The following ENOX1 variants were observed in gnomAD, a reference collection of about 807,000 sequenced individuals.
The protein encoded by ENOX1 is candidate growth-related and time keeping constitutive hydroquinone (NADH) oxidase.
In ENOX1, 42 loss-of-function variants were observed where a neutral mutation model predicts 82.5. The observed-to-expected ratio is 0.51, with a 90% CI of 0.40 to 0.66. The LOEUF is 0.66. Ranked by LOEUF, ENOX1 falls within the 30% of genes least tolerant of loss-of-function variation. The pLI is 0.00. For synonymous variants in ENOX1, 271 were observed against 282.2 expected (o/e 0.96, Z 0.40); for missense variants, 608 against 811.6 (o/e 0.75, Z 3.05).
intron 6 of ENOX1, among the ~76,000 whole-genome samples, chr13:43,360,711 C>CAA (rs36107926): frequency 0.45 from 63,003 of 140,674 alleles, 14,835 homozygotes; most frequent in Middle Eastern, 0.55. Context: ...ATATGAATGA[C>CAA]AAAAAAAAAA....
chr13:43,376,921 C>T (rs972971703), intron 5 of ENOX1, among the ~76,000 whole-genome samples: 1 of 152,176 alleles, frequency 6.6e-6, no homozygotes. Context: ...GCTTGGCTGG[C>T]CTGCCTTGCA....
At chr13:43,508,722 A>G (rs1015271392) in intron 2 of ENOX1, among the ~76,000 whole-genome samples, 5 of 151,984 alleles carry the variant, frequency 3.3e-5, no homozygotes, top group African/African-American at 1.2e-4. Flanking sequence ...AAATCAAGAA[A>G]TTGTGATCAC....
intron 5 of ENOX1, among the ~76,000 whole-genome samples, chr13:43,404,964 C>T (rs1316976576): frequency 6.6e-6 from 1 of 152,154 alleles, no homozygotes; most frequent in South Asian, 2.1e-4. Context: ...TTAGAGACCC[C>T]CACTGGTACC....
At chr13:43,779,952 C>G (rs958256358) in intron 1 of ENOX1, among the ~76,000 whole-genome samples, 1 of 152,080 alleles carries the variant, frequency 6.6e-6, no homozygotes, top group South Asian at 2.1e-4. Context: ...GTCAGGAGAT[C>G]GAGACCATCC....
At chr13:43,533,511 T>A (rs2078321276) in intron 2 of ENOX1, among the ~76,000 whole-genome samples, 1 of 152,158 alleles carries the variant, frequency 6.6e-6, no homozygotes, top group Non-Finnish European at 1.5e-5. Flanking sequence ...GTCACCCAAC[T>A]ACCTTCCTGT....
At chr13:43,490,579 C>T (rs1212348957) in intron 2 of ENOX1, among the ~76,000 whole-genome samples, 3 of 152,116 alleles carry the variant, frequency 2.0e-5, no homozygotes, top group Non-Finnish European at 4.4e-5. Context: ...GCCATAAGGA[C>T]TCCTCCCAGG....
rs114848818 is a variant in ENOX1, at chr13:43,647,867, C to T, written c.-219+19612G>A. Reference sequence around the variant, plus strand: ...ACATCAGTCCTTAAAAACGAAGAACCTTTTTCAGCTGTAGAGAACCAGACA... The same window carrying T: ...ACATCAGTCCTTAAAAACGAAGAACTTTTTTCAGCTGTAGAGAACCAGACA... On this transcript the variant is annotated intron_variant, in intron 2 of 16. Coordinates refer to ENST00000690772, the MANE Select transcript of ENOX1 (RefSeq NM_001347969.2). Among the ~76,000 whole-genome samples, 406 of 152,190 alleles carry T rather than the reference C, an allele frequency of 2.7e-3. 3 individuals carry two copies. Among genetic ancestry groups the T allele is most frequent in the African/African-American group, 9.1e-3 (377 of 41,528 alleles).
Position 43,399,682 on chromosome 13 carries a change from AC to A in ENOX1, c.208+12233del, listed in dbSNP as rs2053378786. On this transcript the variant is annotated intron_variant, in intron 5 of 16. Transcript: ENST00000690772. ...CAGACAAACTCAGAGAAGTTAACTA[AC>A]TTGCCCAAGTTTACGCAGCTAAGGG... is the stretch of plus-strand genomic sequence containing the variant. 2.0e-5 allele frequency among the ~76,000 whole-genome samples: 3 copies of A among 152,222 alleles called. No homozygotes were observed. The South Asian group carries it at 6.2e-4, about 32-fold the overall frequency.
intron 1 of ENOX1, among the ~76,000 whole-genome samples, chr13:43,724,960 A>G (rs537694988): frequency 6.6e-6 from 1 of 152,260 alleles, no homozygotes; most frequent in Admixed American, 6.5e-5. Flanking sequence ...TAACTCTCTT[A>G]TTTTCATCAT....
chr13:43,338,773 T>C lies in ENOX1; in HGVS notation c.1036+5765A>G, dbSNP rs557187762. ...CCATCTCGGCTCACTGCAAGCTCTG[T>C]CTCCCAGGTTCACGCCATTCTCCTG... On this transcript the variant is annotated intron_variant, in intron 9 of 16. Transcript: ENST00000690772. Among the ~76,000 whole-genome samples, 508 of 147,594 alleles carry C rather than the reference T, an allele frequency of 3.4e-3. 2 individuals are homozygous for C. The highest frequency in any genetic ancestry group is 0.012 in the African/African-American group (489 of 39,874).
chr13:43,499,123 A>G (rs1489545012), intron 2 of ENOX1, among the ~76,000 whole-genome samples: 1 of 152,128 alleles, frequency 6.6e-6, no homozygotes, highest in Non-Finnish European at 1.5e-5. Context: ...TTAATATTCT[A>G]TGAAATATCA....
intron 5 of ENOX1, among the ~76,000 whole-genome samples, chr13:43,391,085 C>T (rs1372969640): frequency 1.3e-5 from 2 of 152,098 alleles, no homozygotes; most frequent in Admixed American, 6.5e-5. Flanking sequence ...TCCCCCAGAA[C>T]GGCCCTTGTG....
At chr13:43,505,181 A>C (rs1408253664) in intron 2 of ENOX1, among the ~76,000 whole-genome samples, 1 of 151,950 alleles carries the variant, frequency 6.6e-6, no homozygotes, top group Non-Finnish European at 1.5e-5. Context: ...TAATCGGATC[A>C]CATCAACTTA....
intron 5 of ENOX1, among the ~76,000 whole-genome samples, chr13:43,406,004 T>C (rs1216103572): frequency 1.3e-5 from 2 of 152,238 alleles, no homozygotes; most frequent in Non-Finnish European, 2.9e-5. Context: ...GTCTATGTCC[T>C]GTATTCCCAG....
At chr13:43,756,526 A>G (rs1439750696) in intron 1 of ENOX1, among the ~76,000 whole-genome samples, 4 of 63,366 alleles carry the variant, frequency 6.3e-5, no homozygotes, top group African/African-American at 2.5e-4. Flanking sequence ...GGGGAGGGAA[A>G]GGAGAGGGGA....
intron 1 of ENOX1, among the ~76,000 whole-genome samples, chr13:43,722,001 A>C (rs1221154468): frequency 6.6e-6 from 1 of 152,236 alleles, no homozygotes; most frequent in Admixed American, 6.5e-5. Context: ...TACAATGTCC[A>C]GTTCTCAGGG....
At chr13:43,537,714 T>A (rs996673144) in intron 2 of ENOX1, among the ~76,000 whole-genome samples, 9 of 152,212 alleles carry the variant, frequency 5.9e-5, no homozygotes, top group African/African-American at 2.2e-4. Context: ...CCAAAAGTAC[T>A]GAACCAGGTG....
intron 15 of ENOX1, among the ~76,000 whole-genome samples, chr13:43,230,947 G>A (rs1480228428): frequency 1.3e-5 from 2 of 152,148 alleles, no homozygotes; most frequent in Non-Finnish European, 2.9e-5. Context: ...CTACCCCCAG[G>A]CTGCTTGGAG....
At chr13:43,542,499 G>A (rs1036058087) in intron 2 of ENOX1, among the ~76,000 whole-genome samples, 12 of 142,278 alleles carry the variant, frequency 8.4e-5, no homozygotes, top group Non-Finnish European at 1.5e-4. Flanking sequence ...GCAGTGCCAC[G>A]ATCTTGGCTC....
Sources: gnomAD v4.1 joint callset for allele counts (sites outside exome capture counted in the v4.1 genomes callset) on GRCh38, gnomAD v4.1.1 for gene constraint, MANE v1.5 for transcripts, NCBI Gene and HGNC (gene_info 2026-07-23, HGNC 2026-07-21) for gene names.